NWD2: variants seen among roughly 807,000 people sequenced by gnomAD.
The protein encoded by NWD2 is NACHT and WD repeat domain containing 2, also known as NACHT and WD repeat domain-containing protein 2.
Under a neutral mutation model 132.7 loss-of-function variants are expected in NWD2, and 37 were observed. That is an observed-to-expected ratio of 0.28 (90% confidence interval 0.21 to 0.37). NWD2 has a LOEUF of 0.37. NWD2 is among the 10% of genes least tolerant of loss of function. The pLI, the probability that NWD2 is intolerant of heterozygous loss-of-function variation, is 1.00. For synonymous variants in NWD2, 705 were observed against 803.0 expected, an observed-to-expected ratio of 0.88 and a Z score of 2.06; for missense variants, 1,592 against 2,122.4, an observed-to-expected ratio of 0.75 and a Z score of 4.91.
chr4:37,404,012 C>T (rs1720946862), intron 3 of NWD2, among the ~76,000 whole-genome samples: 1 of 152,246 alleles, frequency 6.6e-6, no homozygotes, highest in East Asian at 1.9e-4. Flanking sequence ...ATCCACATTC[C>T]TCAGCCAGTC....
Position 37,446,493 on chromosome 4 carries a change from CTG to C in NWD2, c.4508_4509del (p.Val1503GlufsTer8). 1 of 1,551,702 alleles carries C rather than the reference CTG, an allele frequency of 6.4e-7. No homozygotes were observed. Among genetic ancestry groups the C allele is most frequent in the South Asian group, 1.2e-5 (1 of 84,060 alleles). On this transcript the variant is annotated frameshift_variant, in exon 7 of 7. Coordinates refer to ENST00000309447, the MANE Select transcript of NWD2 (RefSeq NM_001144990.2). LOFTEE classifies it high-confidence loss of function. This position sits in a 1 kb window ranked among gnomAD's most constrained non-coding sequence, Gnocchi z 6.7. Reference sequence around the variant, plus strand: ...ATCGTGTTTATCACATCGGCCGAGACTGTGAACATCTGGAGTCTGACAGATGA... The same window carrying C: ...ATCGTGTTTATCACATCGGCCGAGACTGAACATCTGGAGTCTGACAGATGA...
intron 5 of NWD2, among the ~76,000 whole-genome samples, chr4:37,434,959 T>C (rs143920991): frequency 0.015 from 2,280 of 152,098 alleles, 58 homozygotes; most frequent in African/African-American, 0.052. Flanking sequence ...TCTCCAGCTA[T>C]TTGGTAGGCT....
intron 2 of NWD2, among the ~76,000 whole-genome samples, chr4:37,328,422 G>A (rs1234481239): frequency 6.6e-6 from 1 of 151,714 alleles, no homozygotes; most frequent in Non-Finnish European, 1.5e-5. Context: ...AGGCCCCAGT[G>A]TGTGATGTTC....
intron 1 of NWD2, among the ~76,000 whole-genome samples, chr4:37,301,494 A>C (rs1047909280): frequency 4.6e-5 from 7 of 151,986 alleles, no homozygotes; most frequent in East Asian, 1.9e-4. Context: ...TGCCTATCTC[A>C]TATACTCATA....
intron 1 of NWD2, among the ~76,000 whole-genome samples, chr4:37,253,806 G>A (rs540688752): frequency 2.6e-5 from 4 of 152,220 alleles, no homozygotes; most frequent in South Asian, 2.1e-4. Context: ...TAGATAATGG[G>A]CAAATTAAAA....
intron 1 of NWD2, among the ~76,000 whole-genome samples, chr4:37,274,003 A>C (rs1186850452): frequency 6.6e-6 from 1 of 152,160 alleles, no homozygotes; most frequent in African/African-American, 2.4e-5. Context: ...TGACACCTTA[A>C]CATCCCAATT....
chr4:37,347,607 T>C (rs1719661477), intron 2 of NWD2, among the ~76,000 whole-genome samples: 1 of 152,192 alleles, frequency 6.6e-6, no homozygotes. Context: ...GAAAGATTAT[T>C]CCTATATTGC....
chr4:37,425,627 C>A (rs904080507), intron 3 of NWD2, among the ~76,000 whole-genome samples: 3 of 152,184 alleles, frequency 2.0e-5, no homozygotes, highest in African/African-American at 7.2e-5. Flanking sequence ...GATGGATCAA[C>A]AGTGTAACTC....
chr4:37,293,725 G>A (rs149673141), intron 1 of NWD2, among the ~76,000 whole-genome samples: 207 of 152,168 alleles, frequency 1.4e-3, no homozygotes, highest in African/African-American at 4.7e-3. Context: ...GAAGTTATAC[G>A]AAGAAGGAAT....
chr4:37,397,298 A>C (rs1720814960), intron 3 of NWD2, among the ~76,000 whole-genome samples: 1 of 152,010 alleles, frequency 6.6e-6, no homozygotes, highest in South Asian at 2.1e-4. Context: ...TGTCAAATTC[A>C]CCGGGCCAGA....
intron 3 of NWD2, among the ~76,000 whole-genome samples, chr4:37,363,085 C>T (rs545063328): frequency 5.3e-5 from 8 of 152,170 alleles, no homozygotes; most frequent in Admixed American, 3.9e-4. Flanking sequence ...CAGAGGAATG[C>T]AAATCAAAAC....
chr4:37,306,204 T>C, intron 1 of NWD2, among the ~76,000 whole-genome samples: 1 of 152,174 alleles, frequency 6.6e-6, no homozygotes. Context: ...TTTTTGTTTC[T>C]GATTTTGAGT....
intron 1 of NWD2, among the ~76,000 whole-genome samples, chr4:37,309,723 T>C (rs1364482355): frequency 1.3e-5 from 2 of 152,172 alleles, no homozygotes; most frequent in Non-Finnish European, 2.9e-5. Context: ...GCTAGGGATC[T>C]CCTGCCTTTT....
chr4:37,333,798 G>T (rs920083262), intron 2 of NWD2, among the ~76,000 whole-genome samples: 3 of 151,990 alleles, frequency 2.0e-5, no homozygotes, highest in African/African-American at 7.3e-5. Flanking sequence ...TAGCCATTTT[G>T]GGGAAACTCA....
intron 3 of NWD2, among the ~76,000 whole-genome samples, chr4:37,414,850 T>C (rs1456326794): frequency 1.3e-5 from 2 of 152,246 alleles, no homozygotes; most frequent in Non-Finnish European, 2.9e-5. Context: ...TCTTTACTTA[T>C]ATTAATGCTG....
intron 3 of NWD2, among the ~76,000 whole-genome samples, chr4:37,417,785 T>C (rs771503412): frequency 1.3e-5 from 2 of 152,166 alleles, no homozygotes; most frequent in Non-Finnish European, 2.9e-5. Context: ...GGGTTGAATG[T>C]ACAGATCAGC....
rs1361433939 is a variant in NWD2, at chr4:37,245,087, G to C, written c.20G>C (p.Gly7Ala). 6.5e-7 allele frequency: 1 copy of C among 1,546,190 alleles called. No homozygotes were observed. Among genetic ancestry groups the C allele is most frequent in the East Asian group, 2.4e-5 (1 of 40,854 alleles). ...AGGGCGATGTGGCCGGCCGGCGCGG[G>C]CACCAAGCTGCCCTGTCCCCGAGAC... MWPAGA[G>A]TKLPCPRDSA... is the part of the protein sequence containing the mutation. The change falls in exon 1 of 7, where the codon GGC becomes GCC. Residue 7 changes from glycine to alanine, a missense_variant. Physicochemically the swap from Gly to Ala is moderately conservative, Grantham distance 60. Around this residue, in one of 7 missense-constraint regions of NWD2, gnomAD observed 88 missense variants for 92.8 expected, o/e 0.95. Coordinates refer to ENST00000309447, the MANE Select transcript of NWD2 (RefSeq NM_001144990.2).
At chr4:37,395,732 C>G (rs1461234374) in intron 3 of NWD2, among the ~76,000 whole-genome samples, 1 of 151,334 alleles carries the variant, frequency 6.6e-6, no homozygotes, top group African/African-American at 2.4e-5. Flanking sequence ...CCTCAAAGTA[C>G]TATTTCTCCG....
At chr4:37,253,786 T>C (rs181379064) in intron 1 of NWD2, among the ~76,000 whole-genome samples, 3 of 152,340 alleles carry the variant, frequency 2.0e-5, no homozygotes, top group African/African-American at 7.2e-5. Context: ...AGTAGATTGA[T>C]ATGCAGCAAT....
Sources: gnomAD v4.1 joint callset for allele counts (sites outside exome capture counted in the v4.1 genomes callset) on GRCh38, gnomAD v4.1.1 for gene constraint, gnomAD v4.1.1 regional missense constraint, Gnocchi (gnomAD v3.1) non-coding constraint, MANE v1.5 for transcripts, NCBI Gene and HGNC (gene_info 2026-07-23, HGNC 2026-07-21) for gene names.